DMRT1: variants seen among roughly 807,000 people sequenced by gnomAD.
DMRT1 encodes doublesex and mab-3 related transcription factor 1, also known as doublesex- and mab-3-related transcription factor 1.
Under a neutral mutation model 32.3 loss-of-function variants are expected in DMRT1, and 7 were observed. That is an observed-to-expected ratio of 0.22 (90% confidence interval 0.12 to 0.41). The LOEUF (loss-of-function observed/expected upper bound fraction) is 0.41. Ranked by LOEUF, DMRT1 falls within the 10% of genes least tolerant of loss-of-function variation. The pLI is 1.00. For synonymous variants in DMRT1, 278 were observed against 206.1 expected (o/e 1.35, Z -2.99); for missense variants, 625 against 500.5 (o/e 1.25, Z -2.37).
chr9:926,183 A>C (rs1818518495), intron 4 of DMRT1, among the ~76,000 whole-genome samples: 1 of 152,170 alleles, frequency 6.6e-6, no homozygotes, highest in South Asian at 2.1e-4. Flanking sequence ...TGTTCTCTTT[A>C]CATTGCTATT....
intron 3 of DMRT1, among the ~76,000 whole-genome samples, chr9:898,571 C>T (rs555273692): frequency 2.6e-5 from 4 of 152,288 alleles, no homozygotes; most frequent in Admixed American, 6.5e-5. Flanking sequence ...AGGGCAGAGT[C>T]GGGGGCTCTT....
intron 4 of DMRT1, among the ~76,000 whole-genome samples, chr9:960,311 C>T (rs1488078783): frequency 6.6e-6 from 1 of 152,210 alleles, no homozygotes; most frequent in Non-Finnish European, 1.5e-5. Flanking sequence ...TGAAACTTGT[C>T]CAAGAACATT....
chr9:905,929 T>C (rs898436325), intron 3 of DMRT1, among the ~76,000 whole-genome samples: 4 of 152,142 alleles, frequency 2.6e-5, no homozygotes, highest in African/African-American at 9.7e-5. Context: ...TCTGCTTTCC[T>C]TGCAGGGCAG....
chr9:849,257 T>C (rs1174226517), intron 2 of DMRT1, among the ~76,000 whole-genome samples: 1 of 152,154 alleles, frequency 6.6e-6, no homozygotes, highest in Admixed American at 6.5e-5. Flanking sequence ...CCAGTTGCCA[T>C]GTTTCCTTGG....
At chr9:922,493 C>T (rs899933936) in intron 4 of DMRT1, among the ~76,000 whole-genome samples, 2 of 152,216 alleles carry the variant, frequency 1.3e-5, no homozygotes, top group Admixed American at 6.5e-5. Context: ...GCACCTCTGT[C>T]TAGAGGTGGG....
intron 4 of DMRT1, among the ~76,000 whole-genome samples, chr9:918,092 T>C (rs1179460024): frequency 6.6e-6 from 1 of 152,248 alleles, no homozygotes; most frequent in Non-Finnish European, 1.5e-5. Context: ...ACACATTTTC[T>C]ATACTTTCTT....
intron 4 of DMRT1, among the ~76,000 whole-genome samples, chr9:960,406 ACACT>A (rs1465843587): frequency 1.3e-5 from 2 of 152,214 alleles, no homozygotes; most frequent in African/African-American, 4.8e-5. Flanking sequence ...TGGAGTACAG[ACACT>A]CACAATTCTT....
chr9:955,116 A>G (rs536016974), intron 4 of DMRT1, among the ~76,000 whole-genome samples: 1 of 152,320 alleles, frequency 6.6e-6, no homozygotes, highest in South Asian at 2.1e-4. Context: ...AGAGGTGGTC[A>G]GTGGAGTGGG....
At chr9:910,519 T>A (rs1043448525) in intron 3 of DMRT1, among the ~76,000 whole-genome samples, 1 of 138,002 alleles carries the variant, frequency 7.2e-6, no homozygotes, top group Non-Finnish European at 1.5e-5. Flanking sequence ...GTATTTGGGA[T>A]TTTTTTTTTT....
chr9:900,331 G>A (rs1163141907), intron 3 of DMRT1, among the ~76,000 whole-genome samples: 5 of 152,008 alleles, frequency 3.3e-5, no homozygotes, highest in African/African-American at 9.7e-5. Flanking sequence ...CTGCTTGTCC[G>A]CCGTAAGGAG....
chr9:844,000 G>T (rs1838799396), intron 1 of DMRT1, among the ~76,000 whole-genome samples: 1 of 152,130 alleles, frequency 6.6e-6, no homozygotes, highest in Admixed American at 6.5e-5. Context: ...AAAATTAATG[G>T]ACTTTTAAAT....
At chr9:930,703 C>T (rs1030054188) in intron 4 of DMRT1, among the ~76,000 whole-genome samples, 3 of 152,224 alleles carry the variant, frequency 2.0e-5, no homozygotes, top group South Asian at 2.1e-4. Flanking sequence ...CCACCGCACC[C>T]GGCCAATTTT....
chr9:900,991 T>C (rs957065113), intron 3 of DMRT1, among the ~76,000 whole-genome samples: 4 of 138,294 alleles, frequency 2.9e-5, no homozygotes, highest in Non-Finnish European at 6.5e-5. Flanking sequence ...TGTGCCTAGC[T>C]CTACTTCAGT....
At chr9:857,751 T>C (rs1815462570) in intron 2 of DMRT1, among the ~76,000 whole-genome samples, 1 of 149,732 alleles carries the variant, frequency 6.7e-6, no homozygotes, top group Non-Finnish European at 1.5e-5. Context: ...ACATTAGGTA[T>C]ATCTCCTAAT....
chr9:919,652 G>A (rs919510407), intron 4 of DMRT1, among the ~76,000 whole-genome samples: 1 of 152,170 alleles, frequency 6.6e-6, no homozygotes, highest in Admixed American at 6.5e-5. Context: ...TTCAAGCACA[G>A]GGTGATTTGT....
At chr9:906,619 T>C (rs928451346) in intron 3 of DMRT1, among the ~76,000 whole-genome samples, 7 of 152,196 alleles carry the variant, frequency 4.6e-5, no homozygotes, top group African/African-American at 1.7e-4. Flanking sequence ...GGAACAGATA[T>C]GGATGCCTCT....
intron 2 of DMRT1, among the ~76,000 whole-genome samples, chr9:886,214 T>C (rs1366870054): frequency 6.6e-6 from 1 of 152,184 alleles, no homozygotes; most frequent in Non-Finnish European, 1.5e-5. Flanking sequence ...TAAACATTGG[T>C]GCATTCAGCT....
intron 4 of DMRT1, among the ~76,000 whole-genome samples, chr9:927,460 G>C (rs940527606): frequency 1.3e-5 from 2 of 152,192 alleles, no homozygotes; most frequent in African/African-American, 4.8e-5. Context: ...TGACATTACA[G>C]TATATCATTG....
intron 2 of DMRT1, among the ~76,000 whole-genome samples, chr9:876,843 G>C (rs528666350): frequency 5.3e-5 from 8 of 152,288 alleles, no homozygotes; most frequent in African/African-American, 1.9e-4. Context: ...AGGTGTCTGA[G>C]AATGTCTATC....
Sources: allele counts gnomAD v4.1 joint callset (sites outside exome capture counted in the v4.1 genomes callset), GRCh38; gene constraint gnomAD v4.1.1; transcripts MANE v1.5; gene names NCBI Gene and HGNC (gene_info 2026-07-23, HGNC 2026-07-21).